WHRN: variants seen among roughly 807,000 people sequenced by gnomAD.
WHRN encodes the protein whirlin, also known as CASK-interacting protein CIP98.
Under a neutral mutation model 68.3 loss-of-function variants are expected in WHRN, and 41 were observed. The observed-to-expected ratio is 0.60, with a 90% CI of 0.47 to 0.78. The LOEUF (loss-of-function observed/expected upper bound fraction) is 0.78. Among genes scored for constraint, WHRN ranks in the 30% least tolerant of loss-of-function variants. The pLI, the probability that WHRN is intolerant of heterozygous loss-of-function variation, is 0.00. For missense variants in WHRN, 1,243 were observed against 1,244.7 expected, an observed-to-expected ratio of 1.00 and a Z score of 0.02; for synonymous variants, 560 against 561.3, an observed-to-expected ratio of 1.00 and a Z score of 0.03.
chr9:114,465,396 G>A (rs1490380542), intron 3 of WHRN, among the ~76,000 whole-genome samples: 1 of 152,074 alleles, frequency 6.6e-6, no homozygotes, highest in Non-Finnish European at 1.5e-5. Context: ...AGTCAGACAC[G>A]CATGGTCCTT....
intron 3 of WHRN, among the ~76,000 whole-genome samples, chr9:114,452,276 A>G (rs1209741081): frequency 6.6e-6 from 1 of 152,248 alleles, no homozygotes; most frequent in Non-Finnish European, 1.5e-5. Flanking sequence ...TCTAAAAAGC[A>G]GAGTGTGCAG....
At chr9:114,447,604 T>C (rs533331934) in intron 3 of WHRN, among the ~76,000 whole-genome samples, 2 of 152,180 alleles carry the variant, frequency 1.3e-5, no homozygotes, top group Non-Finnish European at 2.9e-5. Context: ...CCCCATGTGT[T>C]GTCCATGGAC....
chr9:114,504,372 G>A lies in WHRN; in HGVS notation c.430C>T (p.Arg144Trp), dbSNP rs1844204919. The A allele has an allele frequency of 6.2e-7, 1 of 1,606,810 alleles. No individual in the cohort carries two copies. Among genetic ancestry groups the A allele is most frequent in the Non-Finnish European group, 8.5e-7 (1 of 1,179,926 alleles). Residue 144 changes from arginine to tryptophan, a missense_variant, in exon 1 of 12, where the codon CGG (arginine) becomes TGG (tryptophan). By Grantham distance (101) the Arg-to-Trp change is moderately radical (BLOSUM62 -3). Transcript: ENST00000362057. ...GPGEVRLVSL[R>W]RAKAHEGLGF... Reference sequence around the variant, plus strand: ...AAGCCCTCGTGGGCCTTGGCACGCCGCAAACTCACCAGGCGCACCTCCCCT... The same window carrying A: ...AAGCCCTCGTGGGCCTTGGCACGCCACAAACTCACCAGGCGCACCTCCCCT...
intron 7 of WHRN, among the ~76,000 whole-genome samples, chr9:114,418,184 G>T (rs1178334287): frequency 6.6e-6 from 1 of 152,174 alleles, no homozygotes; most frequent in Non-Finnish European, 1.5e-5. Flanking sequence ...ACCTCCATCA[G>T]GTCTATAAAC....
rs370330247 is a variant in WHRN at position 114,423,026 on chromosome 9, C to CT, written c.1626+287dup. ...TTTTTCTATTTGCCTAATTTACCTA[C>CT]TTTTTTTTTTTAACCTTTCTCCCCC... On this transcript the variant is annotated intron_variant, in intron 7 of 11. Coordinates refer to ENST00000362057, the MANE Select transcript of WHRN (RefSeq NM_015404.4). 2.4e-4 allele frequency among the ~76,000 whole-genome samples: 36 copies of CT among 147,900 alleles called. No homozygotes were observed. The South Asian group carries it at 5.0e-3, about 20-fold the overall frequency.
At chr9:114,486,090 T>C (rs989080140) in intron 1 of WHRN, among the ~76,000 whole-genome samples, 2 of 152,186 alleles carry the variant, frequency 1.3e-5, no homozygotes, top group African/African-American at 2.4e-5. Context: ...ACCTAGCACA[T>C]GGTAGGTACT....
At chr9:114,468,627 T>C (rs1225379189) in intron 2 of WHRN, among the ~76,000 whole-genome samples, 1 of 152,072 alleles carries the variant, frequency 6.6e-6, no homozygotes, top group Non-Finnish European at 1.5e-5. Context: ...GCTGCCTTAG[T>C]CCAGGACCAG....
chr9:114,456,454 G>A (rs958640302), intron 3 of WHRN, among the ~76,000 whole-genome samples: 2 of 152,134 alleles, frequency 1.3e-5, no homozygotes, highest in African/African-American at 2.4e-5. Context: ...TGGTTCAACC[G>A]ATCTTATAAG....
At position 114,424,968 on chromosome 9, in the gene WHRN, C is replaced by A. The variant is rs1419965394; in HGVS notation, c.1203+20G>T. 1.2e-6 allele frequency: 2 copies of A among 1,613,564 alleles called. No individual in the cohort carries two copies. Among genetic ancestry groups the A allele is most frequent in the East Asian group, 2.2e-5 (1 of 44,862 alleles). ...GGGAGCTGTGAGGAAGCAGAGAATA[C>A]CCCTTAGAGGATGTCCTACCTTGTT... On this transcript the variant is annotated intron_variant, in intron 5 of 11. Transcript: ENST00000362057.
chr9:114,403,754 T>C lies in WHRN; in HGVS notation c.2418+142A>G, dbSNP rs10739410. 507,471 of 1,069,302 alleles carry C rather than the reference T, an allele frequency of 0.47. 123,615 individuals are homozygous for C. Among genetic ancestry groups the C allele is most frequent in the Middle Eastern group, 0.56 (1,931 of 3,444 alleles). 66.2% of individuals were successfully genotyped at this position (1,069,302 alleles called of 1,614,324 possible). On this transcript the variant is annotated intron_variant, in intron 10 of 11. Coordinates refer to ENST00000362057, the MANE Select transcript of WHRN (RefSeq NM_015404.4). ...CCTAATCCAGTGCTCCTCCAGGACG[T>C]CCAAATCCCTCCAGTTATAGGGAGC... is the stretch of plus-strand genomic sequence containing the variant.
rs58042716 is a variant in WHRN at position 114,474,997 on chromosome 9, A to G, written c.837+3556T>C. 4.2e-3 allele frequency among the ~76,000 whole-genome samples: 632 copies of G among 152,270 alleles called. 7 individuals are homozygous for G. Among genetic ancestry groups the G allele is most frequent in the African/African-American group, 0.015 (611 of 41,556 alleles). On this transcript the variant is annotated intron_variant, in intron 2 of 11. Transcript: ENST00000362057. ...GGACAGCTACTCTCAAAACAACAGA[A>G]TAACAGGTGCTGGCCAGGATGTGGA... is the stretch of plus-strand genomic sequence containing the variant.
intron 3 of WHRN, among the ~76,000 whole-genome samples, chr9:114,433,678 G>C (rs1837608540): frequency 6.6e-6 from 1 of 152,034 alleles, no homozygotes; most frequent in Non-Finnish European, 1.5e-5. Flanking sequence ...AGTAAAGCTT[G>C]TCCATATTTT....
At chr9:114,482,925 C>T (rs945289093) in intron 1 of WHRN, among the ~76,000 whole-genome samples, 12 of 152,096 alleles carry the variant, frequency 7.9e-5, no homozygotes, top group African/African-American at 2.7e-4. Context: ...AGAAGGGGAC[C>T]CTGAAGCCCC....
intron 2 of WHRN, among the ~76,000 whole-genome samples, chr9:114,470,809 A>T (rs1303062299): frequency 1.3e-5 from 2 of 152,074 alleles, no homozygotes; most frequent in Non-Finnish European, 2.9e-5. Context: ...ACCTGCAGTC[A>T]GTCCCCCGCC....
rs114641960 is a variant in WHRN, at chr9:114,402,316, A to C, written c.*438T>G. Reference sequence around the variant, plus strand: ...GAGGTGCTCGATGCTTATTTGTGGCACTAAAGGTCTTGCAAGATGCCCCCT... The same window carrying C: ...GAGGTGCTCGATGCTTATTTGTGGCCCTAAAGGTCTTGCAAGATGCCCCCT... On this transcript the variant is annotated 3_prime_UTR_variant, in exon 12 of 12. Transcript: ENST00000362057. The C allele has an allele frequency of 0.014, 3,312 of 236,044 alleles. 102 individuals are homozygous for C. Among genetic ancestry groups the C allele is most frequent in the African/African-American group, 0.069 (3,114 of 44,824 alleles). The allele number at this position is 236,044 out of a possible 1,614,324, so 14.6% of individuals were successfully genotyped here.
chr9:114,463,796 T>TTTC (rs1241069842), intron 3 of WHRN, among the ~76,000 whole-genome samples: 1 of 152,200 alleles, frequency 6.6e-6, no homozygotes, highest in Non-Finnish European at 1.5e-5. Flanking sequence ...AGCAAGCACC[T>TTTC]AGATCCAACA....
At chr9:114,421,000 AG>A (rs1339020693) in intron 7 of WHRN, among the ~76,000 whole-genome samples, 7 of 152,004 alleles carry the variant, frequency 4.6e-5, no homozygotes, top group Non-Finnish European at 1.0e-4. Context: ...ACCCTGGTCT[AG>A]GAGAGTCCTA....
At chr9:114,405,244 G>C (rs768638224) in intron 9 of WHRN, among the ~76,000 whole-genome samples, 4 of 151,754 alleles carry the variant, frequency 2.6e-5, no homozygotes, top group Non-Finnish European at 5.9e-5. Context: ...GCTAATTATC[G>C]TATCTTTAGT....
intron 3 of WHRN, among the ~76,000 whole-genome samples, chr9:114,430,776 C>G (rs893777165): frequency 2.0e-5 from 3 of 152,296 alleles, no homozygotes; most frequent in African/African-American, 7.2e-5. Context: ...CTTGGGAAAC[C>G]CTGACTTACT....
Sources: allele counts gnomAD v4.1 joint callset (sites outside exome capture counted in the v4.1 genomes callset), GRCh38; gene constraint gnomAD v4.1.1; transcripts MANE v1.5; gene names NCBI Gene and HGNC (gene_info 2026-07-23, HGNC 2026-07-21).